The following MAPKAP1 variants were observed in gnomAD, a reference collection of about 807,000 sequenced individuals.
MAPKAP1 encodes MAPK associated protein 1, also known as target of rapamycin complex 2 subunit MAPKAP1.
Under a neutral mutation model 65.7 loss-of-function variants are expected in MAPKAP1, and 20 were observed. That is an observed-to-expected ratio of 0.30 (90% CI 0.21 to 0.44). The LOEUF (loss-of-function observed/expected upper bound fraction) is 0.44, where lower values mean the gene tolerates loss of function less well. MAPKAP1 is among the 20% of genes least tolerant of loss of function. MAPKAP1 has a pLI of 1.00. For missense variants in MAPKAP1, 423 were observed against 648.0 expected (o/e 0.65, Z 3.77); for synonymous variants, 222 against 244.3 (o/e 0.91, Z 0.85).
At chr9:125,617,841 G>C (rs1832788895) in intron 4 of MAPKAP1, among the ~76,000 whole-genome samples, 1 of 152,166 alleles carries the variant, frequency 6.6e-6, no homozygotes, top group Non-Finnish European at 1.5e-5. Flanking sequence ...AGGACACGGA[G>C]GGGACTTCAA....
chr9:125,482,590 C>T lies in MAPKAP1; in HGVS notation c.1207+1853G>A, dbSNP rs573848743. On this transcript the variant is annotated intron_variant, in intron 9 of 11. Transcript: ENST00000265960. Reference sequence around the variant, plus strand: ...TGAGGAAGAAGAGCTACAGTTAAGTCCTCACTTATTGTCATTCATAGGTTC... The same window carrying T: ...TGAGGAAGAAGAGCTACAGTTAAGTTCTCACTTATTGTCATTCATAGGTTC... 1.1e-3 allele frequency among the ~76,000 whole-genome samples: 171 copies of T among 152,236 alleles called. 1 individual carries two copies. Among genetic ancestry groups the T allele is most frequent in the African/African-American group, 4.0e-3 (168 of 41,538 alleles).
chr9:125,584,870 T>G (rs1831733266), intron 5 of MAPKAP1, among the ~76,000 whole-genome samples: 1 of 152,158 alleles, frequency 6.6e-6, no homozygotes, highest in Non-Finnish European at 1.5e-5. Context: ...CACTTTAAAG[T>G]TCAAATTATA....
chr9:125,560,881 TC>T (rs959273189), intron 5 of MAPKAP1, among the ~76,000 whole-genome samples: 6 of 152,158 alleles, frequency 3.9e-5, no homozygotes, highest in African/African-American at 1.4e-4. Flanking sequence ...ACACATACCC[TC>T]TTTGGGGGAA....
chr9:125,574,524 G>A (rs1335468254), intron 5 of MAPKAP1, among the ~76,000 whole-genome samples: 1 of 152,096 alleles, frequency 6.6e-6, no homozygotes, highest in Non-Finnish European at 1.5e-5. Flanking sequence ...GACACAGGTG[G>A]GCATGCAGAT....
At chr9:125,522,277 A>C (rs560507215) in intron 7 of MAPKAP1, among the ~76,000 whole-genome samples, 29 of 152,220 alleles carry the variant, frequency 1.9e-4, no homozygotes, top group Non-Finnish European at 4.0e-4. Context: ...AATCAACTAT[A>C]AACTTATCAT....
At chr9:125,609,663 T>C (rs1832544423) in intron 4 of MAPKAP1, among the ~76,000 whole-genome samples, 1 of 152,154 alleles carries the variant, frequency 6.6e-6, no homozygotes, top group Non-Finnish European at 1.5e-5. Context: ...TCATCCTGTT[T>C]TCCTCATTTT....
intron 5 of MAPKAP1, chr9:125,568,806 G>A (rs1030669762): frequency 1.2e-5 from 2 of 161,810 alleles, no homozygotes; most frequent in Non-Finnish European, 2.8e-5. Flanking sequence ...CACTGGGGCC[G>A]CTCAGGGAAA....
intron 5 of MAPKAP1, among the ~76,000 whole-genome samples, chr9:125,581,947 T>C (rs1456630546): frequency 1.3e-5 from 2 of 152,188 alleles, no homozygotes; most frequent in Non-Finnish European, 2.9e-5. Context: ...ACATTATCTC[T>C]TCAAATATTG....
intron 7 of MAPKAP1, among the ~76,000 whole-genome samples, chr9:125,531,805 T>C (rs1025675309): frequency 3.3e-5 from 5 of 152,218 alleles, no homozygotes; most frequent in Non-Finnish European, 7.3e-5. Context: ...TTTTAAAATG[T>C]ATTTCAAATC....
rs143069158 is a variant in MAPKAP1, at chr9:125,464,574, A to G, written c.1345+3398T>C. Reference sequence around the variant, plus strand: ...TTCATATTTATATGTACAATTTTTTAGGCATGTATCTATTTAGCCATTAAG... The same window carrying G: ...TTCATATTTATATGTACAATTTTTTGGGCATGTATCTATTTAGCCATTAAG... On this transcript the variant is annotated intron_variant, in intron 10 of 11. Transcript: ENST00000265960. Among the ~76,000 whole-genome samples, 59 of 152,346 alleles carry G rather than the reference A, an allele frequency of 3.9e-4. 3 individuals are homozygous for G. In the East Asian group the frequency reaches 0.011, roughly 29 times the overall value.
At chr9:125,457,353 C>CT (rs1240722749) in intron 10 of MAPKAP1, among the ~76,000 whole-genome samples, 4 of 152,244 alleles carry the variant, frequency 2.6e-5, no homozygotes, top group Admixed American at 2.6e-4. Flanking sequence ...TTTGGTTCTT[C>CT]TTAAGTTTTA....
intron 6 of MAPKAP1, among the ~76,000 whole-genome samples, chr9:125,555,098 TA>T (rs148656677): frequency 0.02 from 2,982 of 152,298 alleles, 160 homozygotes; most frequent in East Asian, 0.15. Flanking sequence ...ATTTTATCTG[TA>T]TTTAGTTTGT....
intron 8 of MAPKAP1, among the ~76,000 whole-genome samples, chr9:125,493,149 C>A (rs1353651490): frequency 6.6e-6 from 1 of 152,170 alleles, no homozygotes; most frequent in Non-Finnish European, 1.5e-5. Flanking sequence ...ACCTGGCACA[C>A]AATTAAGTAA....
intron 8 of MAPKAP1, among the ~76,000 whole-genome samples, chr9:125,497,604 T>TA (rs1459874089): frequency 3.3e-5 from 5 of 152,296 alleles, no homozygotes; most frequent in African/African-American, 1.2e-4. Flanking sequence ...CCTTGTGAAA[T>TA]AGATTCATTC....
intron 9 of MAPKAP1, among the ~76,000 whole-genome samples, chr9:125,484,134 G>A (rs1277492324): frequency 6.6e-6 from 1 of 152,192 alleles, no homozygotes; most frequent in Non-Finnish European, 1.5e-5. Context: ...TCACAAAGCA[G>A]TTCTAAGGAG....
chr9:125,477,074 C>G (rs1335612425), intron 9 of MAPKAP1, among the ~76,000 whole-genome samples: 1 of 152,134 alleles, frequency 6.6e-6, no homozygotes, highest in Non-Finnish European at 1.5e-5. Context: ...ACATACTGGA[C>G]AGTTTTATGA....
chr9:125,518,368 C>CCA (rs1386449660), intron 7 of MAPKAP1, among the ~76,000 whole-genome samples: 4 of 149,976 alleles, frequency 2.7e-5, no homozygotes, highest in African/African-American at 1.0e-4. Flanking sequence ...ATCTGTAATC[C>CCA]CATATTACAT....
intron 5 of MAPKAP1, among the ~76,000 whole-genome samples, chr9:125,560,160 C>T (rs1033390106): frequency 6.6e-6 from 1 of 152,094 alleles, no homozygotes; most frequent in African/African-American, 2.4e-5. Flanking sequence ...AAGTAATAAG[C>T]ATTACACTAG....
chr9:125,448,789 G>C (rs1001880961), intron 10 of MAPKAP1, among the ~76,000 whole-genome samples: 4 of 152,128 alleles, frequency 2.6e-5, no homozygotes, highest in Non-Finnish European at 5.9e-5. Flanking sequence ...TGGATCACCC[G>C]AGGTTAGGAG....
Sources: gnomAD v4.1 joint callset for allele counts (sites outside exome capture counted in the v4.1 genomes callset) on GRCh38, gnomAD v4.1.1 for gene constraint, MANE v1.5 for transcripts, NCBI Gene and HGNC (gene_info 2026-07-23, HGNC 2026-07-21) for gene names.